LARGE1: variants seen among roughly 807,000 people sequenced by gnomAD.
The protein encoded by LARGE1 is xylosyl- and glucuronyltransferase LARGE1.
LARGE1 carries 43 observed loss-of-function variants against 87.6 expected under a neutral mutation model. That is an observed-to-expected ratio of 0.49 (90% CI 0.38 to 0.63). LARGE1 has a LOEUF of 0.63. Among genes scored for constraint, LARGE1 ranks in the 30% least tolerant of loss-of-function variants. The pLI, the probability that LARGE1 is intolerant of heterozygous loss-of-function variation, is 0.00. For missense variants in LARGE1, 802 were observed against 1,000.2 expected (o/e 0.80, Z 2.67); for synonymous variants, 434 against 394.6 (o/e 1.10, Z -1.18).
chr22:33,099,380 A>G, the LARGE1 span, among the ~76,000 whole-genome samples: 1 of 148,466 alleles, frequency 6.7e-6, no homozygotes, highest in Non-Finnish European at 1.5e-5. Flanking sequence ...CAGCCTCCCA[A>G]GTAGCTGGGA....
intron 5 of LARGE1, among the ~76,000 whole-genome samples, chr22:33,596,000 G>C (rs1052074614): frequency 2.0e-5 from 3 of 152,170 alleles, no homozygotes; most frequent in African/African-American, 7.2e-5. Context: ...TCCTTTGGGA[G>C]GTAATGATCT....
intron 10 of LARGE1, among the ~76,000 whole-genome samples, chr22:33,336,934 G>GCA (rs1938524475): frequency 6.6e-6 from 1 of 152,002 alleles, no homozygotes; most frequent in East Asian, 1.9e-4. Context: ...GGTGGTGCAT[G>GCA]CCTGTAATCC....
chr22:33,859,059 A>T (rs2063838465), intron 1 of LARGE1, among the ~76,000 whole-genome samples: 1 of 151,750 alleles, frequency 6.6e-6, no homozygotes, highest in Non-Finnish European at 1.5e-5. Context: ...GGGCTAGGGG[A>T]GGGATAACAT....
chr22:33,257,191 G>T (rs1927339019), intron 11 of LARGE1, among the ~76,000 whole-genome samples: 1 of 151,958 alleles, frequency 6.6e-6, no homozygotes, highest in Non-Finnish European at 1.5e-5. Context: ...GGCAACAAGA[G>T]CAAAACTCCG....
At chr22:33,909,605 A>G (rs1486285638) in intron 1 of LARGE1, among the ~76,000 whole-genome samples, 2 of 151,486 alleles carry the variant, frequency 1.3e-5, no homozygotes, top group African/African-American at 4.9e-5. Context: ...GTGGCATGAT[A>G]TCGGCTCACT....
chr22:33,418,355 G>T (rs1167643011), intron 7 of LARGE1, among the ~76,000 whole-genome samples: 1 of 152,146 alleles, frequency 6.6e-6, no homozygotes, highest in East Asian at 1.9e-4. Context: ...AGTCTCTTTT[G>T]CCATGGGACA....
intron 2 of LARGE1, among the ~76,000 whole-genome samples, chr22:33,677,088 C>T (rs2081604161): frequency 6.6e-6 from 1 of 152,022 alleles, no homozygotes. Flanking sequence ...CAGGGCCAGC[C>T]AGCTCACAAG....
chr22:33,563,069 C>T (rs1046349496), intron 6 of LARGE1: 6 of 152,538 alleles, frequency 3.9e-5, no homozygotes, highest in Non-Finnish European at 8.8e-5. Context: ...ATCAGCCATT[C>T]CGTGATGTGG....
At chr22:33,193,649 C>G (rs1399326493) in intron 11 of LARGE1, among the ~76,000 whole-genome samples, 1 of 151,898 alleles carries the variant, frequency 6.6e-6, no homozygotes, top group South Asian at 2.1e-4. Flanking sequence ...GAAACCCCAT[C>G]TCTACTAAAA....
chr22:33,561,410 T>C (rs1369842926), intron 6 of LARGE1, among the ~76,000 whole-genome samples: 1 of 152,170 alleles, frequency 6.6e-6, no homozygotes, highest in Non-Finnish European at 1.5e-5. Context: ...TGCAAGGACA[T>C]CTGCCTATGA....
chr22:33,693,140 A>C (rs1255581908), intron 2 of LARGE1, among the ~76,000 whole-genome samples: 1 of 152,214 alleles, frequency 6.6e-6, no homozygotes, highest in East Asian at 1.9e-4. Flanking sequence ...GCAAATTGAC[A>C]CAAGAACAGA....
chr22:33,381,009 T>C (rs2065137130), intron 9 of LARGE1, among the ~76,000 whole-genome samples: 1 of 152,210 alleles, frequency 6.6e-6, no homozygotes, highest in African/African-American at 2.4e-5. Context: ...ACAGTTACTT[T>C]GGCCAATGAG....
intron 11 of LARGE1, among the ~76,000 whole-genome samples, chr22:33,180,211 G>A (rs1203359137): frequency 6.6e-6 from 1 of 152,030 alleles, no homozygotes; most frequent in East Asian, 1.9e-4. Flanking sequence ...CAGCAGAAAT[G>A]GACTAAGACA....
intron 6 of LARGE1, among the ~76,000 whole-genome samples, chr22:33,538,455 C>A (rs969017551): frequency 6.6e-6 from 1 of 152,132 alleles, no homozygotes; most frequent in South Asian, 2.1e-4. Flanking sequence ...TATTTCTGAG[C>A]TGAATTGAAG....
chr22:33,066,968 G>C, the LARGE1 span, among the ~76,000 whole-genome samples: 1 of 152,054 alleles, frequency 6.6e-6, no homozygotes, highest in East Asian at 1.9e-4. Context: ...GTGTCGAGCA[G>C]AACAGGCATG....
chr22:33,132,956 T>G, the LARGE1 span, among the ~76,000 whole-genome samples: 2 of 152,228 alleles, frequency 1.3e-5, no homozygotes, highest in Non-Finnish European at 2.9e-5. Flanking sequence ...AGCAGAAGCT[T>G]CTTTAAAGGT....
At chr22:33,372,100 A>T (rs1434039988) in intron 9 of LARGE1, among the ~76,000 whole-genome samples, 1 of 152,202 alleles carries the variant, frequency 6.6e-6, no homozygotes, top group Non-Finnish European at 1.5e-5. Flanking sequence ...ATGTTACATT[A>T]AATAAAAAAC....
intron 1 of LARGE1, among the ~76,000 whole-genome samples, chr22:33,763,953 G>T (rs190905656): frequency 1.4e-5 from 2 of 143,506 alleles, no homozygotes; most frequent in Non-Finnish European, 3.0e-5. Flanking sequence ...ATGTTCAAGG[G>T]ATTCTCCTGC....
At chr22:33,526,858 A>G (rs1029050095) in intron 6 of LARGE1, among the ~76,000 whole-genome samples, 1 of 152,256 alleles carries the variant, frequency 6.6e-6, no homozygotes, top group Non-Finnish European at 1.5e-5. Flanking sequence ...TGTGAATACA[A>G]AGAGAGAGTC....
Sources: allele counts gnomAD v4.1 joint callset (sites outside exome capture counted in the v4.1 genomes callset), GRCh38; gene constraint gnomAD v4.1.1; transcripts MANE v1.5; gene names NCBI Gene and HGNC (gene_info 2026-07-23, HGNC 2026-07-21).